MYO5A: variants seen among roughly 807,000 people sequenced by gnomAD.
The protein encoded by MYO5A is unconventional myosin-Va.
MYO5A carries 98 observed loss-of-function variants against 249.7 expected under a neutral mutation model. The observed-to-expected ratio is 0.39, with a 90% CI of 0.33 to 0.46. MYO5A has a LOEUF of 0.46. Among genes scored for constraint, MYO5A ranks in the 20% least tolerant of loss-of-function variants. The pLI is 0.98. For synonymous variants in MYO5A, 778 were observed against 810.6 expected (o/e 0.96, Z 0.68); for missense variants, 1,696 against 2,308.8 (o/e 0.73, Z 5.44).
Position 52,454,505 on chromosome 15 carries a change from C to G in MYO5A, c.28-21220G>C, listed in dbSNP as rs2076080638. On this transcript the variant is annotated intron_variant, in intron 1 of 41. Transcript: ENST00000399233. ...ACATCAGAGTTAAACTACAGGCAAA[C>G]AGGCCTAACATTTACAGAACATTTC... is the stretch of plus-strand genomic sequence containing the variant. Among the ~76,000 whole-genome samples, 3 of 152,158 alleles carry G rather than the reference C, an allele frequency of 2.0e-5. No individual in the cohort carries two copies. In the South Asian group the frequency reaches 6.2e-4, roughly 32 times the overall value.
chr15:52,319,449 T>C, intron 38 of MYO5A, 107 bp from the exon 39 acceptor site: 1 of 1,250,534 alleles, frequency 8.0e-7, no homozygotes, highest in Admixed American at 1.7e-5. Context: ...GAAAATTAGC[T>C]GGGCACGGTG....
rs140219255 is a variant in MYO5A at position 52,324,271 on chromosome 15, G to A, written c.4711-827C>T. ...TCCTGAGCTGGGCAGTACAGTCAGG[G>A]GAAAGCTGGTTGGCTCTTCACCAGG... On this transcript the variant is annotated intron_variant, in intron 36 of 41. Transcript: ENST00000399233. 5.5e-3 allele frequency among the ~76,000 whole-genome samples: 844 copies of A among 152,212 alleles called. 6 individuals carry two copies. Among genetic ancestry groups the A allele is most frequent in the African/African-American group, 0.019 (789 of 41,524 alleles).
intron 8 of MYO5A, among the ~76,000 whole-genome samples, chr15:52,405,835 T>TA (rs2042980901): frequency 1.3e-5 from 2 of 152,262 alleles, no homozygotes; most frequent in Admixed American, 6.5e-5. Context: ...ACACTGGGTT[T>TA]AAAATTAATA....
chr15:52,313,425 T>A lies in MYO5A; in HGVS notation c.*271A>T, dbSNP rs1474467798. The A allele has an allele frequency of 6.8e-6, 3 of 442,666 alleles. No homozygotes were observed. Among genetic ancestry groups the A allele is most frequent in the Admixed American group, 7.1e-5 (2 of 28,258 alleles). 27.4% of individuals were successfully genotyped at this position (442,666 alleles called of 1,614,324 possible). A position where few individuals can be genotyped will look rare whatever the true frequency, so the allele number is the denominator to read the frequency against. On this transcript the variant is annotated 3_prime_UTR_variant, in exon 42 of 42. Coordinates refer to ENST00000399233, the MANE Select transcript of MYO5A (RefSeq NM_001382347.1). Reference sequence around the variant, plus strand: ...CACATTTTTCTCCTCCTTTCCTTCCTCCCTTCCTTCCATCATTCTCCTGTA... The same window carrying A: ...CACATTTTTCTCCTCCTTTCCTTCCACCCTTCCTTCCATCATTCTCCTGTA...
At chr15:52,426,011 T>C (rs767613328) in intron 3 of MYO5A, 37 bp from the exon 4 acceptor site, 13 of 1,580,432 alleles carry the variant, frequency 8.2e-6, no homozygotes, top group Middle Eastern at 1.7e-4. Flanking sequence ...GAAAAAGAAG[T>C]CAATGATACC....
chr15:52,462,807 C>T (rs1045494650), intron 1 of MYO5A, among the ~76,000 whole-genome samples: 5 of 151,236 alleles, frequency 3.3e-5, no homozygotes, highest in South Asian at 2.1e-4. Flanking sequence ...AAGATTGTGC[C>T]ACTGCACTCC....
intron 35 of MYO5A, 88 bp downstream of exon 35, chr15:52,330,265 C>A (rs757564986): frequency 1.9e-5 from 30 of 1,542,542 alleles, no homozygotes; most frequent in Non-Finnish European, 2.3e-5. Flanking sequence ...GAAACCTACG[C>A]TGAATATCTC....
intron 1 of MYO5A, among the ~76,000 whole-genome samples, chr15:52,474,740 C>T (rs79282128): frequency 0.084 from 12,735 of 151,946 alleles, 1,106 homozygotes; most frequent in East Asian, 0.46. Context: ...GGATGAGGTC[C>T]GCTTGATCAT....
chr15:52,327,720 G>T, intron 36 of MYO5A, 132 bp downstream of exon 36: 1 of 949,622 alleles, frequency 1.1e-6, no homozygotes, highest in East Asian at 2.5e-5. Flanking sequence ...AAAATAGATA[G>T]GTAAGTAAAT....
At chr15:52,499,407 T>C (rs1379778737) in intron 1 of MYO5A, among the ~76,000 whole-genome samples, 1 of 152,234 alleles carries the variant, frequency 6.6e-6, no homozygotes, top group Non-Finnish European at 1.5e-5. Flanking sequence ...ATTTGCTTTG[T>C]TGTGTAACCA....
intron 1 of MYO5A, among the ~76,000 whole-genome samples, chr15:52,500,481 G>A (rs1293199375): frequency 6.6e-6 from 1 of 151,946 alleles, no homozygotes; most frequent in African/African-American, 2.4e-5. Context: ...TGAGTAGCTG[G>A]GATTACAGGC....
intron 31 of MYO5A, among the ~76,000 whole-genome samples, chr15:52,341,079 C>T (rs960834593): frequency 1.3e-5 from 2 of 152,096 alleles, no homozygotes; most frequent in African/African-American, 4.8e-5. Context: ...GACAGTACAC[C>T]TTTGCCACAA....
At chr15:52,497,203 C>G (rs765864693) in intron 1 of MYO5A, among the ~76,000 whole-genome samples, 3 of 152,080 alleles carry the variant, frequency 2.0e-5, no homozygotes, top group Non-Finnish European at 4.4e-5. Context: ...ATCAAGGGAT[C>G]CACCCACATC....
intron 1 of MYO5A, among the ~76,000 whole-genome samples, chr15:52,438,336 A>G (rs186185809): frequency 2.0e-5 from 3 of 152,354 alleles, no homozygotes; most frequent in African/African-American, 7.2e-5. Context: ...AATGGGACAC[A>G]GTGTGAGTCG....
intron 15 of MYO5A, 89 bp from the exon 16 acceptor site, chr15:52,383,277 C>G: frequency 9.1e-7 from 1 of 1,097,898 alleles, no homozygotes; most frequent in Non-Finnish European, 1.4e-6. Context: ...TCCTATGACA[C>G]TAATGGAGAA....
intron 3 of MYO5A, 129 bp from the exon 4 acceptor site, chr15:52,426,103 T>A: frequency 1.2e-6 from 1 of 837,096 alleles, no homozygotes; most frequent in Non-Finnish European, 1.9e-6. Context: ...ATTAAACCAA[T>A]AAATTGTTCA....
chr15:52,489,183 A>T (rs1000846183), intron 1 of MYO5A, among the ~76,000 whole-genome samples: 3 of 152,228 alleles, frequency 2.0e-5, no homozygotes, highest in African/African-American at 7.2e-5. Context: ...ACAGGAGGAA[A>T]ACTTCATGAT....
chr15:52,518,035 T>C (rs1693503), intron 1 of MYO5A, among the ~76,000 whole-genome samples: 142,054 of 152,196 alleles, frequency 0.93, 67,089 homozygotes, highest in East Asian at 1. Flanking sequence ...TCCCAATTAA[T>C]TTCTTCCTAC....
intron 25 of MYO5A, among the ~76,000 whole-genome samples, chr15:52,356,465 C>G (rs2040224463): frequency 6.6e-6 from 1 of 151,882 alleles, no homozygotes; most frequent in South Asian, 2.1e-4. Context: ...GTCTTTTAAA[C>G]TTGGCATTGC....
Sources: allele counts gnomAD v4.1 joint callset (sites outside exome capture counted in the v4.1 genomes callset), GRCh38; gene constraint gnomAD v4.1.1; transcripts MANE v1.5; gene names NCBI Gene and HGNC (gene_info 2026-07-23, HGNC 2026-07-21).